The following CDK8 variants were observed in gnomAD, a reference collection of about 807,000 sequenced individuals.
CDK8 encodes cyclin-dependent kinase 8.
In CDK8, 29 loss-of-function variants were observed where a neutral mutation model predicts 71.5. The ratio of observed to expected loss-of-function variants is 0.41; its 90% CI spans 0.30 to 0.55. The LOEUF is 0.55. CDK8 is among the 20% of genes least tolerant of loss of function. The pLI is 0.37. For missense variants in CDK8, 288 were observed against 572.6 expected (o/e 0.50, Z 5.07); for synonymous variants, 161 against 192.1 (o/e 0.84, Z 1.34).
At chr13:26,295,838 C>T (rs1047480197) in intron 1 of CDK8, among the ~76,000 whole-genome samples, 39 of 152,132 alleles carry the variant, frequency 2.6e-4, no homozygotes, top group African/African-American at 9.4e-4. Flanking sequence ...TATGAGGTCT[C>T]AATGGTCAGG....
intron 9 of CDK8, among the ~76,000 whole-genome samples, chr13:26,398,992 G>A (rs1286696434): frequency 6.6e-6 from 1 of 150,558 alleles, no homozygotes; most frequent in Non-Finnish European, 1.5e-5. Context: ...TTTTTATCCT[G>A]TAAAATTTGT....
At chr13:26,402,323 T>A (rs1430146221) in intron 12 of CDK8, among the ~76,000 whole-genome samples, 1 of 152,206 alleles carries the variant, frequency 6.6e-6, no homozygotes, top group Non-Finnish European at 1.5e-5. Flanking sequence ...ATCATGGCAT[T>A]GTCAGTTACG....
chr13:26,309,921 ATTT>A (rs1458169752), intron 1 of CDK8, among the ~76,000 whole-genome samples: 1 of 151,904 alleles, frequency 6.6e-6, no homozygotes, highest in African/African-American at 2.4e-5. Context: ...TGTCTGGCTA[ATTT>A]TTTGTATTTT....
At chr13:26,395,048 T>C (rs752884777) in intron 7 of CDK8, among the ~76,000 whole-genome samples, 2 of 152,110 alleles carry the variant, frequency 1.3e-5, no homozygotes, top group Non-Finnish European at 2.9e-5. Context: ...AACACAGAAA[T>C]TGGAGCAAGG....
intron 1 of CDK8, among the ~76,000 whole-genome samples, chr13:26,292,177 A>G (rs778423186): frequency 2.0e-5 from 3 of 152,192 alleles, no homozygotes; most frequent in African/African-American, 4.8e-5. Flanking sequence ...GTGTATGTGT[A>G]TATCAGTGGC....
intron 1 of CDK8, among the ~76,000 whole-genome samples, chr13:26,333,766 C>T (rs1029215153): frequency 6.6e-6 from 1 of 152,086 alleles, no homozygotes; most frequent in Non-Finnish European, 1.5e-5. Context: ...TCCACAATAT[C>T]CTGAAAAATC....
intron 1 of CDK8, among the ~76,000 whole-genome samples, chr13:26,335,348 G>A (rs1035014935): frequency 1.3e-5 from 2 of 152,156 alleles, no homozygotes; most frequent in Non-Finnish European, 2.9e-5. Flanking sequence ...CCTCTCTGCA[G>A]ATTTTTGTAC....
intron 1 of CDK8, among the ~76,000 whole-genome samples, chr13:26,278,846 T>G (rs1872643967): frequency 6.6e-6 from 1 of 152,232 alleles, no homozygotes; most frequent in South Asian, 2.1e-4. Context: ...GTGTCCGTAC[T>G]GAACAGTTAC....
At chr13:26,331,374 T>C (rs1310148114) in intron 1 of CDK8, among the ~76,000 whole-genome samples, 2 of 152,224 alleles carry the variant, frequency 1.3e-5, no homozygotes, top group African/African-American at 4.8e-5. Flanking sequence ...TTTGCAAATA[T>C]TTTCTTCCAT....
intron 1 of CDK8, among the ~76,000 whole-genome samples, chr13:26,279,326 T>A (rs1367121885): frequency 1.3e-5 from 2 of 152,178 alleles, no homozygotes; most frequent in Non-Finnish European, 1.5e-5. Flanking sequence ...CCTCACAAAT[T>A]ATTTACTAAT....
In CDK8 at chr13:26,359,684, C is replaced by G. The variant is rs117678030; in HGVS notation, c.456+5804C>G. On this transcript the variant is annotated intron_variant, in intron 4 of 12. Coordinates refer to ENST00000381527, the MANE Select transcript of CDK8 (RefSeq NM_001260.3). ...CATTTTGAGAGCATCTAGACAACTT[C>G]ACTAACTGCAGCTATGTGGCCTCAT... The G allele has an allele frequency of 8.7e-3, 3,557 of 407,294 alleles. 32 individuals carry two copies. Among genetic ancestry groups the G allele is most frequent in the South Asian group, 0.016 (858 of 55,034 alleles). 25.2% of individuals were successfully genotyped at this position (407,294 alleles called of 1,614,324 possible). A position where few individuals can be genotyped will look rare whatever the true frequency, so the allele number is the denominator to read the frequency against.
intron 1 of CDK8, among the ~76,000 whole-genome samples, chr13:26,286,338 G>C (rs967783706): frequency 7.9e-5 from 12 of 152,172 alleles, no homozygotes; most frequent in African/African-American, 2.7e-4. Flanking sequence ...GAACAGATGA[G>C]AGAACCCAGA....
At chr13:26,315,872 C>G (rs563953744) in intron 1 of CDK8, among the ~76,000 whole-genome samples, 11 of 152,294 alleles carry the variant, frequency 7.2e-5, no homozygotes, top group Non-Finnish European at 1.3e-4. Context: ...TTCTATGAAA[C>G]CAGTTGCACT....
In CDK8 at chr13:26,404,026, A is replaced by G; in HGVS notation, c.1340A>G (p.Tyr447Cys). Residue 447 changes from tyrosine to cysteine, a missense_variant, in exon 13 of 13, where the codon TAC becomes TGC. Tyr to Cys is a radical substitution (Grantham distance 194). This residue lies in a region of CDK8 where 76 missense variants were observed against 99.7 expected (regional missense o/e 0.76). Transcript: ENST00000381527. Reference sequence around the variant, plus strand: ...TCACAGCCGCAGAGCAGCATGGGATACTCAGCTACCTCCCAGCAGCCTCCA... The same window carrying G: ...TCACAGCCGCAGAGCAGCATGGGATGCTCAGCTACCTCCCAGCAGCCTCCA... Reference protein sequence around the residue: ...STSQPQSSMGYSATSQQPPQY... With the variant: ...STSQPQSSMGCSATSQQPPQY... 1 of 1,613,998 alleles carries G rather than the reference A, an allele frequency of 6.2e-7. No individual in the cohort carries two copies. Among genetic ancestry groups the G allele is most frequent in the Non-Finnish European group, 8.5e-7 (1 of 1,179,978 alleles).
intron 1 of CDK8, among the ~76,000 whole-genome samples, chr13:26,320,903 A>G (rs1874743067): frequency 6.6e-6 from 1 of 152,160 alleles, no homozygotes; most frequent in Non-Finnish European, 1.5e-5. Flanking sequence ...AGAAATTGGA[A>G]CTCTTGTGCA....
intron 2 of CDK8, among the ~76,000 whole-genome samples, chr13:26,348,033 C>T (rs1316044221): frequency 6.6e-6 from 1 of 151,898 alleles, no homozygotes; most frequent in African/African-American, 2.4e-5. Context: ...GAAAACAATC[C>T]ATGAACATCA....
At chr13:26,362,153 A>G (rs1244555104) in intron 4 of CDK8, among the ~76,000 whole-genome samples, 1 of 152,082 alleles carries the variant, frequency 6.6e-6, no homozygotes, top group African/African-American at 2.4e-5. Flanking sequence ...AAGTACATGT[A>G]TTAGAGTTCT....
Position 26,345,259 on chromosome 13 carries a change from C to T in CDK8, c.205-3813C>T, listed in dbSNP as rs535327008. On this transcript the variant is annotated intron_variant, in intron 2 of 12. Transcript: ENST00000381527. Reference sequence around the variant, plus strand: ...GGGGAACACAGTTCAGTCCATAACACTATTACTCACTACTCTGGCAGTAGT... The same window carrying T: ...GGGGAACACAGTTCAGTCCATAACATTATTACTCACTACTCTGGCAGTAGT... Among the ~76,000 whole-genome samples the T allele has an allele frequency of 1.3e-4, 20 of 152,308 alleles. No individual in the cohort carries two copies. In the South Asian group the frequency reaches 3.9e-3, roughly 30 times the overall value.
Position 26,254,579 on chromosome 13 carries a change from C to A in CDK8, c.-63C>A. 1 of 1,399,014 alleles carries A rather than the reference C, an allele frequency of 7.1e-7. No individual in the cohort carries two copies. Among genetic ancestry groups the A allele is most frequent in the Non-Finnish European group, 9.7e-7 (1 of 1,033,856 alleles). 86.7% of individuals were successfully genotyped at this position (1,399,014 alleles called of 1,614,324 possible). On this transcript the variant is annotated 5_prime_UTR_variant, in exon 1 of 13. Transcript: ENST00000381527. This position sits in a 1 kb window ranked among gnomAD's most constrained non-coding sequence, Gnocchi z 6.7. Reference sequence around the variant, plus strand: ...CGGGGGCTGCGGCTGCCCGTGCTTCCCCGGTCCCCACCCCTGCCCCCCGGC... The same window carrying A: ...CGGGGGCTGCGGCTGCCCGTGCTTCACCGGTCCCCACCCCTGCCCCCCGGC...
Sources: allele counts gnomAD v4.1 joint callset (sites outside exome capture counted in the v4.1 genomes callset), GRCh38; gene constraint gnomAD v4.1.1; regional missense constraint gnomAD v4.1.1; non-coding constraint Gnocchi (gnomAD v3.1); transcripts MANE v1.5; gene names NCBI Gene and HGNC (gene_info 2026-07-23, HGNC 2026-07-21).